The following GML variants were observed in gnomAD, a reference collection of about 807,000 sequenced individuals.
GML encodes glycosylphosphatidylinositol anchored molecule like.
In GML, 5 loss-of-function variants were observed where a neutral mutation model predicts 8.2. That is an observed-to-expected ratio of 0.61 (90% CI 0.32 to 1.28). The LOEUF (loss-of-function observed/expected upper bound fraction) is 1.28. Among genes scored for constraint, GML ranks in the 50% most tolerant of loss-of-function variants. The pLI is 0.06. For synonymous variants in GML, 72 were observed against 69.0 expected, an observed-to-expected ratio of 1.04 and a Z score of -0.22; for missense variants, 191 against 198.3, an observed-to-expected ratio of 0.96 and a Z score of 0.22.
chr8:142,837,704 C>G (rs1332046032), intron 1 of GML, among the ~76,000 whole-genome samples: 1 of 145,284 alleles, frequency 6.9e-6, no homozygotes, highest in Non-Finnish European at 1.5e-5. Flanking sequence ...CCCCTTGAAC[C>G]TCATCCCACA....
At chr8:142,835,524 G>A (rs1384071950) in intron 1 of GML, among the ~76,000 whole-genome samples, 2 of 152,212 alleles carry the variant, frequency 1.3e-5, no homozygotes, top group Non-Finnish European at 2.9e-5. Flanking sequence ...CTTTTCTAAT[G>A]GAGCCCTGCT....
intron 3 of GML, among the ~76,000 whole-genome samples, 179 bp downstream of exon 3, chr8:142,841,404 T>C (rs1010013653): frequency 6.6e-6 from 1 of 152,174 alleles, no homozygotes; most frequent in Non-Finnish European, 1.5e-5. Context: ...TAGGCCAGCA[T>C]GCATCATCTT....
At chr8:142,841,531 C>T (rs1210518728) in intron 3 of GML, among the ~76,000 whole-genome samples, 3 of 152,180 alleles carry the variant, frequency 2.0e-5, no homozygotes, top group African/African-American at 7.2e-5. Context: ...TGTGTGTAGA[C>T]ACCCCATGCT....
Position 142,846,815 on chromosome 8 carries a change from T to C in GML, c.*125T>C, listed in dbSNP as rs1586546975. ...CTCTAGGTGGCCCATTTATGGTTTGTTGTAAGAGAAAAATTAAAAAAATAT... is the reference window on the plus strand; with the variant it reads ...CTCTAGGTGGCCCATTTATGGTTTGCTGTAAGAGAAAAATTAAAAAAATAT... On this transcript the variant is annotated 3_prime_UTR_variant, in exon 4 of 4. Coordinates refer to ENST00000220940, the MANE Select transcript of GML (RefSeq NM_002066.3). 1 of 690,348 alleles carries C rather than the reference T, an allele frequency of 1.4e-6. No homozygotes were observed. The highest frequency in any genetic ancestry group is 2.7e-5 in the East Asian group (1 of 37,576). The allele number at this position is 690,348 out of a possible 1,614,324, so 42.8% of individuals were successfully genotyped here. A position where few individuals can be genotyped will look rare whatever the true frequency, so the allele number is the denominator to read the frequency against.
At chr8:142,835,020 C>G (rs540074162) in intron 1 of GML, 152 bp downstream of exon 1, 14 of 152,320 alleles carry the variant, frequency 9.2e-5, no homozygotes, top group African/African-American at 3.4e-4. Context: ...CCACTCCCCT[C>G]GGAGCCCCAG....
chr8:142,844,674 T>C (rs1430003991), intron 3 of GML, among the ~76,000 whole-genome samples: 1 of 152,258 alleles, frequency 6.6e-6, no homozygotes, highest in African/African-American at 2.4e-5. Flanking sequence ...GGTGTCTGAA[T>C]GTGTAACATA....
chr8:142,843,297 C>CACACA (rs1200918706), intron 3 of GML, among the ~76,000 whole-genome samples: 1 of 149,084 alleles, frequency 6.7e-6, no homozygotes, highest in Non-Finnish European at 1.5e-5. Context: ...CACACACACA[C>CACACA]ACCATAACCC....
At chr8:142,835,139 C>G (rs1446945254) in intron 1 of GML, among the ~76,000 whole-genome samples, 1 of 151,930 alleles carries the variant, frequency 6.6e-6, no homozygotes, top group Middle Eastern at 3.2e-3. Context: ...CCCTCAGGGT[C>G]CCAGGGAGAC....
At chr8:142,843,808 A>G (rs1053836309) in intron 3 of GML, among the ~76,000 whole-genome samples, 5 of 152,220 alleles carry the variant, frequency 3.3e-5, no homozygotes, top group South Asian at 2.1e-4. Context: ...CTGCAAGAAC[A>G]CTATTGAAGA....
At chr8:142,835,792 C>T (rs192452976) in intron 1 of GML, among the ~76,000 whole-genome samples, 48 of 152,282 alleles carry the variant, frequency 3.2e-4, no homozygotes, top group Admixed American at 6.5e-4. Context: ...AAGTGTCTGT[C>T]CTTGTCACCT....
At chr8:142,836,383 T>A (rs545484588) in intron 1 of GML, among the ~76,000 whole-genome samples, 9 of 152,348 alleles carry the variant, frequency 5.9e-5, no homozygotes, top group Non-Finnish European at 8.8e-5. Context: ...GTAGAAATAA[T>A]TCATACTATA....
Position 142,841,216 on chromosome 8 carries a change from A to G in GML, c.172A>G (p.Ile58Val), listed in dbSNP as rs759937118. ...CPYHIRRCMT[I>V]SIRINSRELL... ...GTATCATATTAGGCGCTGTATGACA[A>G]TCTCCATTCGTAAGTACCTCTTTGT... The change falls in exon 3 of 4, where the codon ATC becomes GTC. Residue 58 changes from isoleucine to valine, a missense_variant. Transcript: ENST00000220940. 6 of 1,456,998 alleles carry G rather than the reference A, an allele frequency of 4.1e-6. No homozygotes were observed. Among genetic ancestry groups the G allele is most frequent in the East Asian group, 2.3e-5 (1 of 43,784 alleles). 90.3% of individuals were successfully genotyped at this position (1,456,998 alleles called of 1,614,324 possible). A position where few individuals can be genotyped will look rare whatever the true frequency, so the allele number is the denominator to read the frequency against.
chr8:142,836,699 C>A (rs1025518343), intron 1 of GML, among the ~76,000 whole-genome samples: 1 of 152,190 alleles, frequency 6.6e-6, no homozygotes, highest in Non-Finnish European at 1.5e-5. Flanking sequence ...GCCCTCTCCT[C>A]TCTCCAGGAG....
chr8:142,844,134 TAAC>T (rs1423472949), intron 3 of GML, among the ~76,000 whole-genome samples: 1 of 152,116 alleles, frequency 6.6e-6, no homozygotes, highest in African/African-American at 2.4e-5. Flanking sequence ...GATTGAAAAA[TAAC>T]AACATTAGAA....
intron 3 of GML, among the ~76,000 whole-genome samples, chr8:142,841,985 G>A (rs1033595145): frequency 2.0e-5 from 3 of 152,194 alleles, no homozygotes; most frequent in East Asian, 1.9e-4. Context: ...TTACCACCTC[G>A]GTGTGGTTTG....
chr8:142,840,129 C>T (rs1431674085), intron 1 of GML, among the ~76,000 whole-genome samples: 2 of 152,174 alleles, frequency 1.3e-5, no homozygotes, highest in East Asian at 3.9e-4. Flanking sequence ...TATTTCGGAG[C>T]GTGGGGACCC....
chr8:142,846,691 G>T lies in GML; in HGVS notation c.*1G>T, dbSNP rs1354637134. On this transcript the variant is annotated 3_prime_UTR_variant, in exon 4 of 4. Coordinates refer to ENST00000220940, the MANE Select transcript of GML (RefSeq NM_002066.3). ...CATAGTCAGCAATATATTGCCATGAGGACCCCACCTTGGAGGGTCTGACCA... is the reference window on the plus strand; with the variant it reads ...CATAGTCAGCAATATATTGCCATGATGACCCCACCTTGGAGGGTCTGACCA... 6.2e-7 allele frequency: 1 copy of T among 1,609,076 alleles called. No homozygotes were observed. Among genetic ancestry groups the T allele is most frequent in the African/African-American group, 1.3e-5 (1 of 74,766 alleles).
chr8:142,840,270 C>G lies in GML; in HGVS notation c.-22-146C>G, dbSNP rs1249564044. The G allele has an allele frequency of 4.9e-6, 3 of 611,528 alleles. No homozygotes were observed. In the Admixed American group the frequency reaches 8.2e-5, roughly 17 times the overall value. 37.9% of individuals were successfully genotyped at this position (611,528 alleles called of 1,614,324 possible). A position where few individuals can be genotyped will look rare whatever the true frequency, so the allele number is the denominator to read the frequency against. ...GGTGAGACCTGCCCGACCCCAGTGCCTTACCCGAGGAGCTACTGGCCCAGT... is the reference window on the plus strand; with the variant it reads ...GGTGAGACCTGCCCGACCCCAGTGCGTTACCCGAGGAGCTACTGGCCCAGT... On this transcript the variant is annotated intron_variant, in intron 1 of 3. Transcript: ENST00000220940.
chr8:142,841,349 C>T (rs905033107), intron 3 of GML, 124 bp downstream of exon 3: 1 of 663,858 alleles, frequency 1.5e-6, no homozygotes, highest in Admixed American at 2.3e-5. Flanking sequence ...CTCATGTCCT[C>T]CCATCCTGAG....
Sources: gnomAD v4.1 joint callset for allele counts (sites outside exome capture counted in the v4.1 genomes callset) on GRCh38, gnomAD v4.1.1 for gene constraint, MANE v1.5 for transcripts, NCBI Gene and HGNC (gene_info 2026-07-23, HGNC 2026-07-21) for gene names.